The following ARHGAP29 variants were observed in gnomAD, a reference collection of about 807,000 sequenced individuals.
The protein encoded by ARHGAP29 is Rho GTPase activating protein 29, also known as rho GTPase-activating protein 29.
ARHGAP29 carries 43 observed loss-of-function variants against 122.6 expected under a neutral mutation model. The observed-to-expected ratio is 0.35, with a 90% CI of 0.27 to 0.45. ARHGAP29 has a LOEUF of 0.45. ARHGAP29 is among the 20% of genes least tolerant of loss of function. ARHGAP29 has a pLI of 1.00. For missense variants in ARHGAP29, 1,303 were observed against 1,477.2 expected (o/e 0.88, Z 1.93); for synonymous variants, 506 against 497.1 (o/e 1.02, Z -0.24).
the ARHGAP29 span, among the ~76,000 whole-genome samples, chr1:94,308,111 A>G: frequency 6.6e-6 from 1 of 152,222 alleles, no homozygotes; most frequent in African/African-American, 2.4e-5. Context: ...GACTGAACTC[A>G]AATTACTTTG....
chr1:94,263,709 T>G (rs1654649129), intron 1 of ARHGAP29, among the ~76,000 whole-genome samples: 1 of 152,232 alleles, frequency 6.6e-6, no homozygotes, highest in Non-Finnish European at 1.5e-5. Flanking sequence ...TATTTTTCCT[T>G]TCAGTCAATG....
chr1:94,168,938 A>C lies in ARHGAP29; in HGVS notation c.*4931T>G, dbSNP rs1438902309. On this transcript the variant is annotated 3_prime_UTR_variant, in exon 23 of 23. Transcript: ENST00000260526. ...ATTAGTCGTTTAATCTATTTTCTGA[A>C]CTGCATGCTTATTTTATGGATGCAG... Among the ~76,000 whole-genome samples the C allele has an allele frequency of 6.6e-6, 1 of 152,156 alleles. No individual in the cohort carries two copies. Among genetic ancestry groups the C allele is most frequent in the Non-Finnish European group, 1.5e-5 (1 of 68,020 alleles).
upstream of ARHGAP29, among the ~76,000 whole-genome samples, chr1:94,238,170 C>T (rs906962726): frequency 1.3e-5 from 2 of 150,164 alleles, no homozygotes; most frequent in African/African-American, 4.9e-5. Flanking sequence ...AATTGATTCT[C>T]CCACCTCAGC....
chr1:94,305,100 C>CTA, the ARHGAP29 span, among the ~76,000 whole-genome samples: 4 of 152,324 alleles, frequency 2.6e-5, no homozygotes, highest in Non-Finnish European at 1.5e-5. Context: ...ACATCAGTCT[C>CTA]TACATTGGTA....
rs762372381 is a variant in ARHGAP29, at chr1:94,179,811, T to G, written c.2394A>C (p.Arg798=). 6.2e-7 allele frequency: 1 copy of G among 1,613,594 alleles called. No homozygotes were observed. The highest frequency in any genetic ancestry group is 1.1e-5 in the South Asian group (1 of 91,058). ...KWPNMCIEIN[R]ILLKSKDLLR... is the part of the protein sequence containing the mutation. Reference sequence around the variant, plus strand: ...GAAGGTCTTTGCTTTTTAGAAGAATTCGGTTTATTTCTATACACATATTTG... The same window carrying G: ...GAAGGTCTTTGCTTTTTAGAAGAATGCGGTTTATTTCTATACACATATTTG... Residue 798 remains arginine (R), a synonymous_variant, in exon 20 of 23, where the codon CGA becomes CGC. Transcript: ENST00000260526.
At chr1:94,188,698 A>T in intron 15 of ARHGAP29, 139 bp downstream of exon 15, 1 of 740,028 alleles carries the variant, frequency 1.4e-6, no homozygotes, top group Non-Finnish European at 2.2e-6. Context: ...AGGGGTTTTT[A>T]AAAACTATTT....
chr1:94,208,098 A>G (rs2101535806), intron 5 of ARHGAP29, among the ~76,000 whole-genome samples: 1 of 152,232 alleles, frequency 6.6e-6, no homozygotes, highest in East Asian at 1.9e-4. Context: ...ATGACCTCTT[A>G]AAGTGCCGGG....
chr1:94,276,649 C>T (rs1045258185), upstream of ARHGAP29, among the ~76,000 whole-genome samples: 2 of 151,300 alleles, frequency 1.3e-5, no homozygotes, highest in African/African-American at 2.4e-5. Flanking sequence ...GGCATGGTGG[C>T]GTGTGTCTGT....
intron 1 of ARHGAP29, among the ~76,000 whole-genome samples, chr1:94,264,273 C>G (rs927861585): frequency 1.3e-4 from 20 of 152,154 alleles, no homozygotes; most frequent in African/African-American, 4.6e-4. Context: ...TGGTTCCTCT[C>G]TGAGTCTTTC....
chr1:94,184,298 AAAAG>A lies in ARHGAP29; in HGVS notation c.2110-14_2110-11del. On this transcript the variant is annotated splice_polypyrimidine_tract_variant and intron_variant, in intron 18 of 22. Coordinates refer to ENST00000260526, the MANE Select transcript of ARHGAP29 (RefSeq NM_004815.4). Reference sequence around the variant, plus strand: ...ACACACGATAAATTCCCTTCAATAGAAAAGAAAAAAATTTTGCAAAATTCTTCTT... The same window carrying A: ...ACACACGATAAATTCCCTTCAATAGAAAAAAAATTTTGCAAAATTCTTCTT... 1 of 1,587,212 alleles carries A rather than the reference AAAAG, an allele frequency of 6.3e-7. No individual in the cohort carries two copies. Among genetic ancestry groups the A allele is most frequent in the East Asian group, 2.2e-5 (1 of 44,562 alleles).
At chr1:94,298,113 C>T in the ARHGAP29 span, among the ~76,000 whole-genome samples, 5 of 152,142 alleles carry the variant, frequency 3.3e-5, no homozygotes, top group East Asian at 1.9e-4. Context: ...ACTCTAAATA[C>T]TTGTCGTTCT....
rs550560986 is a variant in ARHGAP29 at position 94,208,911 on chromosome 1, A to C, written c.438-7T>G. On this transcript the variant is annotated splice_region_variant and splice_polypyrimidine_tract_variant and intron_variant, in intron 4 of 22. Transcript: ENST00000260526. ...CATAAGGAAGTTTGTAAGGCTATCC[A>C]AGGAGGTTAAAAAAAGAAAGACAAG... 2 of 1,611,966 alleles carry C rather than the reference A, an allele frequency of 1.2e-6. No homozygotes were observed. The highest frequency in any genetic ancestry group is 1.7e-6 in the Non-Finnish European group (2 of 1,178,422).
intron 22 of ARHGAP29, among the ~76,000 whole-genome samples, chr1:94,175,630 G>A (rs1242029986): frequency 2.6e-5 from 4 of 152,136 alleles, no homozygotes; most frequent in African/African-American, 4.8e-5. Context: ...TTTGGTCATC[G>A]TCTCATCTGA....
intron 1 of ARHGAP29, among the ~76,000 whole-genome samples, chr1:94,269,350 C>T (rs1017518156): frequency 2.2e-4 from 33 of 152,094 alleles, no homozygotes; most frequent in Non-Finnish European, 3.8e-4. Flanking sequence ...GTTTAAACCG[C>T]GATTATAATG....
chr1:94,281,602 A>G, the ARHGAP29 span, among the ~76,000 whole-genome samples: 1 of 152,182 alleles, frequency 6.6e-6, no homozygotes, highest in African/African-American at 2.4e-5. Context: ...ATCACACATA[A>G]TAGCGTTATC....
chr1:94,310,900 C>G, the ARHGAP29 span, among the ~76,000 whole-genome samples: 3 of 152,172 alleles, frequency 2.0e-5, no homozygotes, highest in Non-Finnish European at 2.9e-5. Flanking sequence ...CTGCTGTTTT[C>G]TTCCATGTGG....
intron 1 of ARHGAP29, among the ~76,000 whole-genome samples, chr1:94,242,678 AC>A (rs1653645350): frequency 1.3e-5 from 2 of 151,676 alleles, no homozygotes; most frequent in Admixed American, 1.3e-4. Context: ...AAATAAAAAA[AC>A]AAACAGCAAA....
chr1:94,308,595 T>G, the ARHGAP29 span, among the ~76,000 whole-genome samples: 1 of 152,204 alleles, frequency 6.6e-6, no homozygotes, highest in Admixed American at 6.5e-5. Flanking sequence ...ATTTTTTTGG[T>G]TTTTGTTTCT....
chr1:94,181,522 G>A (rs1273468880), intron 19 of ARHGAP29, among the ~76,000 whole-genome samples: 1 of 152,020 alleles, frequency 6.6e-6, no homozygotes, highest in East Asian at 1.9e-4. Context: ...CCACACTCTA[G>A]GCAAGGAAAG....
Sources: allele counts gnomAD v4.1 joint callset (sites outside exome capture counted in the v4.1 genomes callset), GRCh38; gene constraint gnomAD v4.1.1; transcripts MANE v1.5; gene names NCBI Gene and HGNC (gene_info 2026-07-23, HGNC 2026-07-21).